PPARD: variants seen among roughly 807,000 people sequenced by gnomAD.
PPARD encodes the protein peroxisome proliferator activated receptor delta.
PPARD carries 6 observed loss-of-function variants against 39.5 expected under a neutral mutation model. The ratio of observed to expected loss-of-function variants is 0.15; its 90% CI spans 0.08 to 0.30. The LOEUF is 0.30. Ranked by LOEUF, PPARD falls within the 10% of genes least tolerant of loss-of-function variation. The probability of loss-of-function intolerance (pLI) is 1.00; values close to 1 mark genes in which losing one functional copy is unlikely to be tolerated. For missense variants in PPARD, 397 were observed against 596.8 expected (o/e 0.67, Z 3.49); for synonymous variants, 210 against 231.3 (o/e 0.91, Z 0.83).
intron 4 of PPARD, among the ~76,000 whole-genome samples, chr6:35,420,818 G>GTTTT (rs770642690): frequency 2.1e-5 from 1 of 48,674 alleles, no homozygotes; most frequent in Non-Finnish European, 4.3e-5. Context: ...TAACAAAGAA[G>GTTTT]CTTTTTTTTT....
chr6:35,381,505 TG>T (rs761987628), intron 2 of PPARD, among the ~76,000 whole-genome samples: 2 of 152,178 alleles, frequency 1.3e-5, no homozygotes, highest in African/African-American at 2.4e-5. Context: ...CCATCCTTAG[TG>T]CAGGGCGTCC....
intron 1 of PPARD, 39 bp from the exon 2 acceptor site, chr6:35,347,028 C>G (rs199826372): frequency 4.4e-6 from 6 of 1,352,034 alleles, no homozygotes; most frequent in Admixed American, 4.3e-5. Context: ...CCCCTGGCAC[C>G]TGTCAGCTAA....
At position 35,366,118 on chromosome 6, in the gene PPARD, T is replaced by G. The variant is rs558012292; in HGVS notation, c.-102+18968T>G. Among the ~76,000 whole-genome samples the G allele has an allele frequency of 4.6e-5, 7 of 151,942 alleles. No individual in the cohort carries two copies. In the South Asian group the frequency reaches 1.4e-3, roughly 31 times the overall value. ...TGACAGGGGAAATGAAGAGTATTAGTTATCTATTCCTGCATAACAAATTAC... is the reference window on the plus strand; with the variant it reads ...TGACAGGGGAAATGAAGAGTATTAGGTATCTATTCCTGCATAACAAATTAC... On this transcript the variant is annotated intron_variant, in intron 2 of 7. Transcript: ENST00000360694. The surrounding 1 kb of genome is among the most constrained non-coding windows in gnomAD (Gnocchi z 4.6).
At position 35,425,262 on chromosome 6, in the gene PPARD, A is replaced by G; in HGVS notation, c.1078+483A>G. The G allele has an allele frequency of 1.0e-6, 1 of 1,000,500 alleles. No homozygotes were observed. Among genetic ancestry groups the G allele is most frequent in the South Asian group, 4.2e-5 (1 of 23,856 alleles). The allele number at this position is 1,000,500 out of a possible 1,614,324, so 62.0% of individuals were successfully genotyped here. A position where few individuals can be genotyped will look rare whatever the true frequency, so the allele number is the denominator to read the frequency against. Reference sequence around the variant, plus strand: ...GCACTCCAGCCTGGGTGACAGAGTGAGACCCTGTCTCAAAAAAAAGGAAAA... The same window carrying G: ...GCACTCCAGCCTGGGTGACAGAGTGGGACCCTGTCTCAAAAAAAAGGAAAA... On this transcript the variant is annotated intron_variant, in intron 7 of 7. Coordinates refer to ENST00000360694, the MANE Select transcript of PPARD (RefSeq NM_006238.5). The surrounding 1 kb of genome is among the most constrained non-coding windows in gnomAD (Gnocchi z 4.5).
chr6:35,345,874 GTTTTTTTT>G (rs947186291), intron 1 of PPARD, among the ~76,000 whole-genome samples: 1 of 114,612 alleles, frequency 8.7e-6, no homozygotes, highest in Non-Finnish European at 1.8e-5. Flanking sequence ...CTTTTTTTTC[GTTTTTTTT>G]TTTTTTTTTT....
Position 35,424,777 on chromosome 6 carries a change from G to A in PPARD, c.1076G>A (p.Gly359Glu). Residue 359 changes from glycine (G) to glutamate (E), a missense_variant and splice_region_variant, in exon 7 of 8, where the codon GGA becomes GAA. Coordinates refer to ENST00000360694, the MANE Select transcript of PPARD (RefSeq NM_006238.5). This position sits in a 1 kb window ranked among gnomAD's most constrained non-coding sequence, Gnocchi z 7.1. ...ALFIAAIILC[G>E]DRPGLMNVPR... ...TTCATTGCGGCCATCATTCTGTGTG[G>A]AGGTGAGTGAGAGTGGGGCAGGTGG... 6.2e-7 allele frequency: 1 copy of A among 1,612,722 alleles called. No individual in the cohort carries two copies. The highest frequency in any genetic ancestry group is 8.5e-7 in the Non-Finnish European group (1 of 1,178,944).
intron 2 of PPARD, among the ~76,000 whole-genome samples, chr6:35,377,831 T>C (rs2150571210): frequency 6.6e-6 from 1 of 150,436 alleles, no homozygotes; most frequent in South Asian, 2.1e-4. Context: ...TCTCTGTCTG[T>C]AGTAACTATC....
chr6:35,380,472 GTTTGTTTTTTTTTTT>G (rs1763083657), intron 2 of PPARD, among the ~76,000 whole-genome samples: 19 of 31,334 alleles, frequency 6.1e-4, no homozygotes, highest in Middle Eastern at 0.019. Flanking sequence ...TTTTTTTTTT[GTTTGTTTTTTTTTTT>G]TTTTTTTTTT....
chr6:35,357,111 G>A (rs1275052512), intron 2 of PPARD, among the ~76,000 whole-genome samples: 1 of 152,152 alleles, frequency 6.6e-6, no homozygotes, highest in Non-Finnish European at 1.5e-5. Context: ...GCATCCAGAG[G>A]TGCCATGTAG....
rs200899270 is a variant in PPARD, at chr6:35,424,575, G to A, written c.874G>A (p.Ala292Thr). The change falls in exon 7 of 8, where the codon GCC becomes ACC. Residue 292 changes from alanine (A) to threonine (T), a missense_variant. By Grantham distance (58) the Ala-to-Thr change is moderately conservative. Coordinates refer to ENST00000360694, the MANE Select transcript of PPARD (RefSeq NM_006238.5). The surrounding 1 kb of genome is among the most constrained non-coding windows in gnomAD (Gnocchi z 7.1). Reference sequence around the variant, plus strand: ...GTATGGCGTGCACGAGGCCATCTTCGCCATGCTGGCCTCTATCGTCAACAA... The same window carrying A: ...GTATGGCGTGCACGAGGCCATCTTCACCATGCTGGCCTCTATCGTCAACAA... ...LKYGVHEAIF[A>T]MLASIVNKDG... is the part of the protein sequence containing the mutation. 32 of 1,614,080 alleles carry A rather than the reference G, an allele frequency of 2.0e-5. No individual in the cohort carries two copies. The highest frequency in any genetic ancestry group is 2.7e-5 in the African/African-American group (2 of 74,926).
intron 2 of PPARD, among the ~76,000 whole-genome samples, chr6:35,354,231 C>CA (rs1347497564): frequency 0.14 from 4,433 of 30,914 alleles, 670 homozygotes; most frequent in African/African-American, 0.33. Flanking sequence ...GACTCCGTCT[C>CA]AAAAAAAAAA....
Position 35,384,984 on chromosome 6 carries a change from G to C in PPARD, c.-101-26003G>C, listed in dbSNP as rs1253334760. On this transcript the variant is annotated intron_variant, in intron 2 of 7. Coordinates refer to ENST00000360694, the MANE Select transcript of PPARD (RefSeq NM_006238.5). Reference sequence around the variant, plus strand: ...GGTGGGGGGGTCAGCCCCCCGCCGGGCCAGCCGCCCCGTCCGGGAGGGAGG... The same window carrying C: ...GGTGGGGGGGTCAGCCCCCCGCCGGCCCAGCCGCCCCGTCCGGGAGGGAGG... Among the ~76,000 whole-genome samples the C allele has an allele frequency of 7.8e-5, 11 of 140,146 alleles. 1 individual carries two copies. Among genetic ancestry groups the C allele is most frequent in the African/African-American group, 3.0e-4 (10 of 33,514 alleles). The allele number at this position is 140,146 out of a possible 152,430, so 91.9% of individuals were successfully genotyped here.
intron 2 of PPARD, among the ~76,000 whole-genome samples, chr6:35,378,038 AT>A (rs1231829111): frequency 1.3e-5 from 2 of 151,022 alleles, no homozygotes. Context: ...TAATTTTTGT[AT>A]TTTTAGTAGA....
chr6:35,374,633 G>C (rs1280434209), intron 2 of PPARD, among the ~76,000 whole-genome samples: 2 of 150,658 alleles, frequency 1.3e-5, no homozygotes, highest in Non-Finnish European at 3.0e-5. Flanking sequence ...ACTCCAGCCT[G>C]GGCGACAGAG....
chr6:35,412,074 G>A lies in PPARD; in HGVS notation c.130+857G>A, dbSNP rs995346372. ...CTCCCGAGTAGCTGGGATTATAGGC[G>A]TGCACCACCACGCCCGGCTAATTTT... is the stretch of plus-strand genomic sequence containing the variant. On this transcript the variant is annotated intron_variant, in intron 3 of 7. Transcript: ENST00000360694. The surrounding 1 kb of genome is among the most constrained non-coding windows in gnomAD (Gnocchi z 4.1). Among the ~76,000 whole-genome samples, 1 of 152,040 alleles carries A rather than the reference G, an allele frequency of 6.6e-6. No individual in the cohort carries two copies. Among genetic ancestry groups the A allele is most frequent in the African/African-American group, 2.4e-5 (1 of 41,368 alleles).
intron 2 of PPARD, among the ~76,000 whole-genome samples, chr6:35,376,352 G>C (rs1762815939): frequency 6.6e-6 from 1 of 152,080 alleles, no homozygotes; most frequent in South Asian, 2.1e-4. Context: ...TGTTCTTTCT[G>C]TGTTCCTTTA....
At chr6:35,409,436 T>C (rs1765277295) in intron 2 of PPARD, among the ~76,000 whole-genome samples, 2 of 151,698 alleles carry the variant, frequency 1.3e-5, no homozygotes, top group Admixed American at 1.3e-4. Context: ...GCACGGGAGA[T>C]AAAGGCTGCA....
chr6:35,394,107 C>A (rs1442199299), intron 2 of PPARD, among the ~76,000 whole-genome samples: 1 of 152,226 alleles, frequency 6.6e-6, no homozygotes, highest in Admixed American at 6.5e-5. Flanking sequence ...CCCCACCAGT[C>A]CCCCTCATTC....
At position 35,412,137 on chromosome 6, in the gene PPARD, G is replaced by A. The variant is rs1390606530; in HGVS notation, c.130+920G>A. ...GTAAAGATGGGGTTTCACCATGTTG[G>A]CCAGGCTGGTCTCGAACCGCTGGGC... On this transcript the variant is annotated intron_variant, in intron 3 of 7. Coordinates refer to ENST00000360694, the MANE Select transcript of PPARD (RefSeq NM_006238.5). This position sits in a 1 kb window ranked among gnomAD's most constrained non-coding sequence, Gnocchi z 4.1. 6.6e-6 allele frequency among the ~76,000 whole-genome samples: 1 copy of A among 152,020 alleles called. No homozygotes were observed. Among genetic ancestry groups the A allele is most frequent in the Non-Finnish European group, 1.5e-5 (1 of 68,008 alleles).
Sources: allele counts gnomAD v4.1 joint callset (sites outside exome capture counted in the v4.1 genomes callset), GRCh38; gene constraint gnomAD v4.1.1; non-coding constraint Gnocchi (gnomAD v3.1); transcripts MANE v1.5; gene names NCBI Gene and HGNC (gene_info 2026-07-23, HGNC 2026-07-21).